ACP7: variants seen among roughly 807,000 people sequenced by gnomAD.
ACP7 encodes acid phosphatase type 7.
A neutral mutation model predicts 60.6 loss-of-function variants in ACP7; 58 were observed. The ratio of observed to expected loss-of-function variants is 0.96; its 90% CI spans 0.77 to 1.19. ACP7 has a LOEUF of 1.19. Among genes scored for constraint, ACP7 ranks in the 50% most tolerant of loss-of-function variants. The pLI is 0.00. For synonymous variants in ACP7, 237 were observed against 232.6 expected (o/e 1.02, Z -0.17); for missense variants, 574 against 596.2 (o/e 0.96, Z 0.39).
intron 4 of ACP7, among the ~76,000 whole-genome samples, 174 bp downstream of exon 4, chr19:39,099,316 G>A (rs2073312757): frequency 6.6e-6 from 1 of 152,182 alleles, no homozygotes; most frequent in African/African-American, 2.4e-5. Context: ...TACGGAGACG[G>A]TGTCTGTGGC....
intron 2 of ACP7, among the ~76,000 whole-genome samples, chr19:39,095,835 G>A (rs535989519): frequency 3.9e-5 from 6 of 152,304 alleles, no homozygotes; most frequent in Admixed American, 6.5e-5. Flanking sequence ...TGACTTCTGC[G>A]CACCTGCAGG....
Position 39,097,869 on chromosome 19 carries a change from A to G in ACP7, c.122-589A>G, listed in dbSNP as rs2073285272. 2.0e-5 allele frequency among the ~76,000 whole-genome samples: 3 copies of G among 152,162 alleles called. No homozygotes were observed. The South Asian group carries it at 6.2e-4, about 32-fold the overall frequency. On this transcript the variant is annotated intron_variant, in intron 2 of 12. Transcript: ENST00000331256. ...TATATTTATTCATCTAAGCCTCATAACAACCATATAGGGCAGAGACTATTA... is the reference window on the plus strand; with the variant it reads ...TATATTTATTCATCTAAGCCTCATAGCAACCATATAGGGCAGAGACTATTA...
chr19:39,096,848 C>G (rs1036761384), intron 2 of ACP7, among the ~76,000 whole-genome samples: 1 of 152,106 alleles, frequency 6.6e-6, no homozygotes, highest in African/African-American at 2.4e-5. Flanking sequence ...TGTTGCCAGG[C>G]TGGAATGCAG....
chr19:39,085,068 C>T (rs1430549887), intron 1 of ACP7, 24 bp from the exon 2 acceptor site: 1 of 582,240 alleles, frequency 1.7e-6, no homozygotes. Context: ...CTTAGCGATT[C>T]TTATTTTTGG....
At chr19:39,101,267 T>C (rs749990554) in intron 9 of ACP7, 21 bp from the exon 10 acceptor site, 3 of 1,614,162 alleles carry the variant, frequency 1.9e-6, no homozygotes, top group Non-Finnish European at 2.5e-6. Flanking sequence ...AGAGGTCTGA[T>C]CCCCGCTTGC....
chr19:39,106,330 G>A (rs879911200), intron 11 of ACP7, among the ~76,000 whole-genome samples: 1 of 152,062 alleles, frequency 6.6e-6, no homozygotes, highest in Non-Finnish European at 1.5e-5. Context: ...CCTGCTTTGC[G>A]ATGGCTGTGC....
rs1240650533 is a variant in ACP7, at chr19:39,111,156, G to C, written c.*1038G>C. ...AGGCCCTGAGACAGAAATGTGCCTG[G>C]CCGGCTGGGTACAGTAACTCACATC... On this transcript the variant is annotated 3_prime_UTR_variant, in exon 13 of 13. Transcript: ENST00000331256. 6.6e-6 allele frequency: 1 copy of C among 152,186 alleles called. No homozygotes were observed. The highest frequency in any genetic ancestry group is 2.4e-5 in the African/African-American group (1 of 41,404). 9.4% of individuals were successfully genotyped at this position (152,186 alleles called of 1,614,324 possible).
intron 2 of ACP7, among the ~76,000 whole-genome samples, chr19:39,090,839 C>T (rs2073195896): frequency 6.7e-6 from 1 of 149,846 alleles, no homozygotes; most frequent in African/African-American, 2.5e-5. Context: ...ATAGTAGCTC[C>T]TTCCATCTAA....
At chr19:39,109,990 C>A in intron 12 of ACP7, 63 bp from the exon 13 acceptor site, 1 of 1,527,456 alleles carries the variant, frequency 6.5e-7, no homozygotes, top group South Asian at 1.1e-5. Flanking sequence ...GGAACCCAGG[C>A]CATGTGGCCC....
rs139454671 is a variant in ACP7 at position 39,087,654 on chromosome 19, G to C, written c.121+2264G>C. On this transcript the variant is annotated intron_variant, in intron 2 of 12. Coordinates refer to ENST00000331256, the MANE Select transcript of ACP7 (RefSeq NM_001004318.3). The stretch of plus-strand genomic sequence containing the variant: ...TTTGTTTTTTTTTTTTTTTTTTTGA[G>C]ATGGAGCCTCACTCTGTTGGCCAGG... Among the ~76,000 whole-genome samples, 548 of 139,078 alleles carry C rather than the reference G, an allele frequency of 3.9e-3. 2 individuals carry two copies. The highest frequency in any genetic ancestry group is 0.014 in the African/African-American group (515 of 36,358). 91.2% of individuals were successfully genotyped at this position (139,078 alleles called of 152,430 possible).
In ACP7 at chr19:39,107,004, C is replaced by A. The variant is rs766788180; in HGVS notation, c.1171C>A (p.Arg391Ser). 6.2e-6 allele frequency: 10 copies of A among 1,614,064 alleles called. No individual in the cohort carries two copies. Among genetic ancestry groups the A allele is most frequent in the South Asian group, 1.1e-5 (1 of 91,078 alleles). ...AVFPRPWSAV[R>S]VKEYGYTRLH... is the part of the protein sequence containing the mutation. Reference sequence around the variant, plus strand: ...CTTCCCGAGGCCCTGGAGTGCCGTGCGTGTGAAGGAGTACGGGTATACGCG... The same window carrying A: ...CTTCCCGAGGCCCTGGAGTGCCGTGAGTGTGAAGGAGTACGGGTATACGCG... Residue 391 changes from arginine to serine, a missense_variant, in exon 12 of 13, where the codon CGT becomes AGT. Physicochemically the swap from Arg to Ser is moderately radical, Grantham distance 110 (BLOSUM62 -1). Coordinates refer to ENST00000331256, the MANE Select transcript of ACP7 (RefSeq NM_001004318.3).
At chr19:39,103,748 A>T (rs2073383373) in intron 11 of ACP7, among the ~76,000 whole-genome samples, 1 of 152,004 alleles carries the variant, frequency 6.6e-6, no homozygotes, top group Non-Finnish European at 1.5e-5. Flanking sequence ...GGATCATTTG[A>T]GCCCAAGAAG....
At chr19:39,097,162 C>T (rs1448156227) in intron 2 of ACP7, among the ~76,000 whole-genome samples, 1 of 152,092 alleles carries the variant, frequency 6.6e-6, no homozygotes, top group Admixed American at 6.6e-5. Context: ...AAAGTGGAAA[C>T]CCCTGATAAA....
At chr19:39,084,744 A>G (rs962390645) in intron 1 of ACP7, among the ~76,000 whole-genome samples, 3 of 151,808 alleles carry the variant, frequency 2.0e-5, no homozygotes, top group Admixed American at 2.0e-4. Flanking sequence ...AGCAGGATGG[A>G]AAGCTGGGGA....
Position 39,110,046 on chromosome 19 carries a change from C to G in ACP7, c.1252-7C>G. The G allele has an allele frequency of 6.2e-7, 1 of 1,612,930 alleles. No individual in the cohort carries two copies. Among genetic ancestry groups the G allele is most frequent in the South Asian group, 1.1e-5 (1 of 91,002 alleles). On this transcript the variant is annotated splice_polypyrimidine_tract_variant and splice_region_variant and intron_variant, in intron 12 of 12. Transcript: ENST00000331256. ...CTAACTACTGTCCCTGTTTTTGTCC[C>G]TCACAGGATGGGAAGATCGTAGATG...
At chr19:39,086,307 A>T (rs1221160387) in intron 2 of ACP7, among the ~76,000 whole-genome samples, 1 of 150,752 alleles carries the variant, frequency 6.6e-6, no homozygotes, top group Non-Finnish European at 1.5e-5. Context: ...AGCCTGGGCA[A>T]CAGAGAGAGA....
intron 2 of ACP7, 67 bp downstream of exon 2, chr19:39,085,457 G>T (rs1302064688): frequency 3.9e-6 from 6 of 1,522,084 alleles, no homozygotes; most frequent in Non-Finnish European, 4.4e-6. Context: ...TTGTTTGAGG[G>T]CTCAGGAATC....
At chr19:39,084,986 G>A (rs1016663330) in intron 1 of ACP7, 106 bp from the exon 2 acceptor site, 1 of 334,852 alleles carries the variant, frequency 3.0e-6, no homozygotes, top group Non-Finnish European at 5.4e-6. Flanking sequence ...ATGTCGTGAG[G>A]CTTCCGTGAA....
chr19:39,105,119 G>A (rs1217261698), intron 11 of ACP7, among the ~76,000 whole-genome samples: 2 of 151,068 alleles, frequency 1.3e-5, no homozygotes, highest in South Asian at 2.1e-4. Flanking sequence ...AGGCTCAAGC[G>A]ATTCTCCCAC....
Sources: allele counts gnomAD v4.1 joint callset (sites outside exome capture counted in the v4.1 genomes callset), GRCh38; gene constraint gnomAD v4.1.1; transcripts MANE v1.5; gene names NCBI Gene and HGNC (gene_info 2026-07-23, HGNC 2026-07-21).